The following DCAF4 variants were observed in gnomAD, a reference collection of about 807,000 sequenced individuals.
DCAF4 encodes the protein DDB1 and CUL4 associated factor 4, also known as DDB1- and CUL4-associated factor 4.
DCAF4 carries 37 observed loss-of-function variants against 60.9 expected under a neutral mutation model. The observed-to-expected ratio is 0.61, with a 90% CI of 0.47 to 0.80. The LOEUF is 0.80. DCAF4 is among the 30% of genes least tolerant of loss of function. The pLI, the probability that DCAF4 is intolerant of heterozygous loss-of-function variation, is 0.00. For missense variants in DCAF4, 577 were observed against 650.0 expected (o/e 0.89, Z 1.22); for synonymous variants, 243 against 254.8 (o/e 0.95, Z 0.44).
intron 1 of DCAF4, among the ~76,000 whole-genome samples, chr14:72,927,755 A>T (rs946998980): frequency 6.6e-6 from 1 of 152,148 alleles, no homozygotes; most frequent in African/African-American, 2.4e-5. Context: ...TAGTCCTGTA[A>T]GCCTGTTTCC....
At chr14:72,955,220 G>C (rs10130567) in intron 11 of DCAF4, among the ~76,000 whole-genome samples, 67 of 152,178 alleles carry the variant, frequency 4.4e-4, no homozygotes, top group African/African-American at 1.6e-3. Flanking sequence ...TGGTGGAGAT[G>C]GAATGCTATC....
chr14:72,932,874 A>C (rs1177092757), intron 1 of DCAF4, among the ~76,000 whole-genome samples: 1 of 144,760 alleles, frequency 6.9e-6, no homozygotes, highest in Non-Finnish European at 1.5e-5. Flanking sequence ...CAGCTGAATA[A>C]TTTTTTTTTC....
intron 1 of DCAF4, chr14:72,926,993 C>T (rs1288233927): frequency 1.3e-5 from 2 of 152,344 alleles, no homozygotes; most frequent in Non-Finnish European, 1.5e-5. Flanking sequence ...CTGCCGGCTT[C>T]ACAGGCGCTA....
chr14:72,959,765 C>T (rs1594817865), downstream of DCAF4: 2 of 595,476 alleles, frequency 3.4e-6, no homozygotes, highest in East Asian at 1.4e-4. Context: ...CCACTCTGCC[C>T]TCATCATCTG....
chr14:72,929,664 T>C, intron 1 of DCAF4: 1 of 1,335,492 alleles, frequency 7.5e-7, no homozygotes, highest in Non-Finnish European at 1.1e-6. Context: ...CTTGCTCAGC[T>C]CCTCCCGCTT....
At chr14:72,938,584 G>T (rs998991701) in intron 2 of DCAF4, among the ~76,000 whole-genome samples, 1 of 152,102 alleles carries the variant, frequency 6.6e-6, no homozygotes, top group African/African-American at 2.4e-5. Context: ...AACCTACATG[G>T]TACAGCCAGC....
rs1388032964 is a variant in DCAF4 at position 72,958,668 on chromosome 14, A to G, written c.1351A>G (p.Thr451Ala). The change falls in exon 14 of 14, where the codon ACC becomes GCC. Residue 451 changes from threonine (T) to alanine (A), a missense_variant. Physicochemically the swap from Thr to Ala is moderately conservative, Grantham distance 58. Coordinates refer to ENST00000358377, the MANE Select transcript of DCAF4 (RefSeq NM_015604.4). The stretch of plus-strand genomic sequence containing the variant: ...CCTCCACGATGCCCGCCTACTGAGA[A>G]CCATACCCTCCCCGTACCCTGCCTC... ...WSLHDARLLR[T>A]IPSPYPASKA... 4.3e-6 allele frequency: 7 copies of G among 1,614,066 alleles called. No individual in the cohort carries two copies. Among genetic ancestry groups the G allele is most frequent in the Non-Finnish European group, 5.9e-6 (7 of 1,180,052 alleles).
At position 72,959,461 on chromosome 14, in the gene DCAF4, A is replaced by C; in HGVS notation, c.*656A>C. On this transcript the variant is annotated 3_prime_UTR_variant, in exon 14 of 14. Coordinates refer to ENST00000358377, the MANE Select transcript of DCAF4 (RefSeq NM_015604.4). The stretch of plus-strand genomic sequence containing the variant: ...GTCCTTAACATGCCTTTGTTCAAGC[A>C]CCTTCCAGAATGTAAGGTTCAGCAG... 1 of 985,392 alleles carries C rather than the reference A, an allele frequency of 1.0e-6. No homozygotes were observed. Among genetic ancestry groups the C allele is most frequent in the Non-Finnish European group, 1.2e-6 (1 of 829,900 alleles). The allele number at this position is 985,392 out of a possible 1,614,324, so 61.0% of individuals were successfully genotyped here.
rs1376107229 is a variant in DCAF4 at position 72,941,929 on chromosome 14, G to A, written c.431+105G>A. The A allele has an allele frequency of 3.4e-5, 41 of 1,204,762 alleles. No individual in the cohort carries two copies. The Middle Eastern group carries it at 5.8e-4, about 17-fold the overall frequency. The allele number at this position is 1,204,762 out of a possible 1,614,324, so 74.6% of individuals were successfully genotyped here. The stretch of plus-strand genomic sequence containing the variant: ...TCTGGATAGACCATGTGGCTACCCC[G>A]TGAAGCACCTGCACAGTTGAGGGGC... On this transcript the variant is annotated intron_variant, in intron 5 of 13. Coordinates refer to ENST00000358377, the MANE Select transcript of DCAF4 (RefSeq NM_015604.4).
intron 8 of DCAF4, among the ~76,000 whole-genome samples, chr14:72,949,805 C>T (rs1891189764): frequency 2.0e-5 from 3 of 152,202 alleles, no homozygotes; most frequent in Non-Finnish European, 4.4e-5. Flanking sequence ...TTAAAAGTTA[C>T]ATGATTGCTT....
chr14:72,954,263 G>GAGCCTTCAGTTAT lies in DCAF4; in HGVS notation c.907+1_907+2insAGCCTTCAGTTAT. ...CAAGCAAATAACTGCTTCAGTACAG[G>GAGCCTTCAGTTAT]TGAGCCTGGCTCCCCAGGTGCCCAG... On this transcript the variant is annotated splice_donor_variant, in intron 10 of 13. Transcript: ENST00000358377. LOFTEE classifies it high-confidence loss of function. 1.2e-6 allele frequency: 2 copies of GAGCCTTCAGTTAT among 1,614,182 alleles called. No homozygotes were observed. The highest frequency in any genetic ancestry group is 4.5e-5 in the East Asian group (2 of 44,874).
intron 3 of DCAF4, 147 bp downstream of exon 3, chr14:72,940,049 C>G: frequency 1.7e-6 from 2 of 1,168,212 alleles, no homozygotes; most frequent in Non-Finnish European, 2.4e-6. Flanking sequence ...TGAGGCAAAC[C>G]GCCTCCCCCA....
chr14:72,950,433 C>G (rs1204719418), intron 8 of DCAF4, among the ~76,000 whole-genome samples: 4 of 152,082 alleles, frequency 2.6e-5, no homozygotes, highest in Non-Finnish European at 4.4e-5. Flanking sequence ...TGGAATGTTT[C>G]CATCAGATTT....
At position 72,941,732 on chromosome 14, in the gene DCAF4, G is replaced by T. The variant is rs576374272; in HGVS notation, c.352-13G>T. On this transcript the variant is annotated splice_polypyrimidine_tract_variant and intron_variant, in intron 4 of 13. Transcript: ENST00000358377. ...TCTTCATTGAATTGTTCTCTTTTTT[G>T]TAATAAATATAGATTGCCAGGATGG... 4.4e-6 allele frequency: 7 copies of T among 1,607,142 alleles called. No homozygotes were observed. Among genetic ancestry groups the T allele is most frequent in the South Asian group, 1.1e-5 (1 of 89,692 alleles).
intron 8 of DCAF4, among the ~76,000 whole-genome samples, chr14:72,947,864 G>T (rs574086281): frequency 1.3e-5 from 2 of 152,208 alleles, no homozygotes; most frequent in Non-Finnish European, 2.9e-5. Flanking sequence ...CTGAGAGCAC[G>T]GTAGTACAGT....
At position 72,940,397 on chromosome 14, in the gene DCAF4, G is replaced by A. The variant is rs1555524334; in HGVS notation, c.351+20G>A. 2.4e-5 allele frequency: 39 copies of A among 1,599,074 alleles called. No homozygotes were observed. The South Asian group carries it at 3.4e-4, about 14-fold the overall frequency. On this transcript the variant is annotated intron_variant, in intron 4 of 13. Transcript: ENST00000358377. ...AAAAAGGTGGGCTCCTCACCCCTTC[G>A]CCCCCTGTCCTCTCCGCTCCTGCCA...
chr14:72,944,411 AAT>A (rs974830212), intron 6 of DCAF4, among the ~76,000 whole-genome samples: 1 of 152,238 alleles, frequency 6.6e-6, no homozygotes, highest in African/African-American at 2.4e-5. Flanking sequence ...TGTATTTATT[AAT>A]ATATACAAAA....
intron 11 of DCAF4, 107 bp from the exon 12 acceptor site, chr14:72,955,403 TGTCTAATCACACC>T: frequency 8.4e-7 from 1 of 1,192,148 alleles, no homozygotes; most frequent in Non-Finnish European, 1.2e-6. Flanking sequence ...GACCAGCACG[TGTCTAATCACACC>T]GTCTGACCCA....
Position 72,953,745 on chromosome 14 carries a change from ATATATATATATATATATAGTTT to A in DCAF4, c.809-418_809-397del, listed in dbSNP as rs1424846921. Among the ~76,000 whole-genome samples, 3 of 74,800 alleles carry A rather than the reference ATATATATATATATATATAGTTT, an allele frequency of 4.0e-5. 1 individual carries two copies. The highest frequency in any genetic ancestry group is 2.2e-4 in the African/African-American group (3 of 13,348). 49.1% of individuals were successfully genotyped at this position (74,800 alleles called of 152,430 possible). On this transcript the variant is annotated intron_variant, in intron 9 of 13. Transcript: ENST00000358377. ...AAAAAAAAAAAAAATATATATATAT[ATATATATATATATATATAGTTT>A]ATTTATTTATTTATTTGTGTGTGTG...
Sources: allele counts gnomAD v4.1 joint callset (sites outside exome capture counted in the v4.1 genomes callset), GRCh38; gene constraint gnomAD v4.1.1; transcripts MANE v1.5; gene names NCBI Gene and HGNC (gene_info 2026-07-23, HGNC 2026-07-21).